Variants in ACAT1 observed in about 807,000 individuals in gnomAD.
ACAT1 encodes acetyl-CoA acetyltransferase, mitochondrial.
In ACAT1, 28 loss-of-function variants were observed where a neutral mutation model predicts 47.3. The ratio of observed to expected loss-of-function variants is 0.59; its 90% confidence interval spans 0.44 to 0.81. The LOEUF (loss-of-function observed/expected upper bound fraction) is 0.81, where lower values mean the gene tolerates loss of function less well. Among genes scored for constraint, ACAT1 ranks in the 30% least tolerant of loss-of-function variants. The pLI, the probability that ACAT1 is intolerant of heterozygous loss-of-function variation, is 0.00. For synonymous variants in ACAT1, 181 were observed against 173.6 expected, an observed-to-expected ratio of 1.04 and a Z score of -0.34; for missense variants, 469 against 524.3, an observed-to-expected ratio of 0.89 and a Z score of 1.03.
At chr11:108,143,935 T>TAAAA in intron 9 of ACAT1, 48 bp from the exon 10 acceptor site, 1 of 789,114 alleles carries the variant, frequency 1.3e-6, no homozygotes, top group Non-Finnish European at 2.0e-6. Context: ...TTCTATACAG[T>TAAAA]AAAAAAAAAA....
intron 5 of ACAT1, chr11:108,136,144 T>C (rs2135345165): frequency 1.5e-6 from 1 of 653,232 alleles, no homozygotes; most frequent in Non-Finnish European, 2.7e-6. Context: ...CACAGAAGAA[T>C]CAAGATTCTC....
chr11:108,146,189 T>A lies in ACAT1; in HGVS notation c.1006-13T>A. 6.3e-7 allele frequency: 1 copy of A among 1,595,108 alleles called. No individual in the cohort carries two copies. The highest frequency in any genetic ancestry group is 8.6e-7 in the Non-Finnish European group (1 of 1,163,676). On this transcript the variant is annotated splice_polypyrimidine_tract_variant and intron_variant, in intron 10 of 11. Transcript: ENST00000265838. Reference sequence around the variant, plus strand: ...AATTATTTGAACATCATCTGTCTTTTAAAAAATTTAAGGTTCTTAAAGATG... The same window carrying A: ...AATTATTTGAACATCATCTGTCTTTAAAAAAATTTAAGGTTCTTAAAGATG...
intron 2 of ACAT1, 126 bp downstream of exon 2, chr11:108,132,080 T>C: frequency 1.8e-6 from 1 of 571,106 alleles, no homozygotes; most frequent in South Asian, 2.2e-5. Flanking sequence ...TAGGAATAGC[T>C]AACTATTCAA....
intron 6 of ACAT1, 38 bp from the exon 7 acceptor site, chr11:108,140,027 T>G (rs1213985394): frequency 6.3e-7 from 1 of 1,591,824 alleles, no homozygotes; most frequent in South Asian, 1.1e-5. Flanking sequence ...TTCTAAATTA[T>G]GCAAAGTTAA....
At chr11:108,139,994 G>T in intron 6 of ACAT1, 71 bp from the exon 7 acceptor site, 1 of 1,519,940 alleles carries the variant, frequency 6.6e-7, no homozygotes, top group Non-Finnish European at 9.0e-7. Flanking sequence ...AACACTATAA[G>T]TTAGGCAAAG....
At chr11:108,132,398 A>G (rs1363460464) in intron 2 of ACAT1, among the ~76,000 whole-genome samples, 1 of 152,248 alleles carries the variant, frequency 6.6e-6, no homozygotes, top group Non-Finnish European at 1.5e-5. Flanking sequence ...AAGATCTTCT[A>G]TCAAAATCTA....
chr11:108,147,314 A>G lies in ACAT1; in HGVS notation c.1208A>G (p.Lys403Arg), dbSNP rs1196894480. Residue 403 changes from lysine (K) to arginine (R), a missense_variant, in exon 12 of 12, where the codon AAG (lysine) becomes AGG (arginine). Lys to Arg is a conservative substitution (Grantham distance 26). Transcript: ENST00000265838. ...RIVGHLTHAL[K>R]QGEYGLASIC... is the part of the protein sequence containing the mutation. ...GTTGGTCATTTGACTCATGCCTTGA[A>G]GCAAGGAGAATACGGTCTTGCCAGT... 3.1e-6 allele frequency: 5 copies of G among 1,613,862 alleles called. No homozygotes were observed. Among genetic ancestry groups the G allele is most frequent in the Non-Finnish European group, 4.2e-6 (5 of 1,179,936 alleles).
chr11:108,135,529 T>TG (rs939507989), intron 5 of ACAT1, among the ~76,000 whole-genome samples: 1 of 149,630 alleles, frequency 6.7e-6, no homozygotes, highest in African/African-American at 2.5e-5. Context: ...CTCTGCTCTT[T>TG]GAAAAAAAAA....
At chr11:108,121,313 C>A (rs551761017), upstream of ACAT1, 3 of 544,882 alleles carry the variant, frequency 5.5e-6, no homozygotes, top group African/African-American at 1.9e-5. Context: ...CCACCGGCCC[C>A]GGCAGGTTAG....
At chr11:108,124,401 T>C (rs2077210380) in intron 1 of ACAT1, among the ~76,000 whole-genome samples, 1 of 152,086 alleles carries the variant, frequency 6.6e-6, no homozygotes, top group Non-Finnish European at 1.5e-5. Context: ...GTAGCTGGGA[T>C]TACAGGCATG....
intron 1 of ACAT1, among the ~76,000 whole-genome samples, chr11:108,123,620 C>G (rs2077190647): frequency 6.6e-6 from 1 of 152,222 alleles, no homozygotes; most frequent in Non-Finnish European, 1.5e-5. Context: ...CCTTAACTCT[C>G]TGCAGTTAAA....
chr11:108,124,508 A>C (rs1233956361), intron 1 of ACAT1, among the ~76,000 whole-genome samples: 1 of 152,030 alleles, frequency 6.6e-6, no homozygotes, highest in Non-Finnish European at 1.5e-5. Flanking sequence ...TCACCAGGTG[A>C]TCCACCTCTG....
At chr11:108,121,995 G>T in intron 1 of ACAT1, 1 of 478,994 alleles carries the variant, frequency 2.1e-6, no homozygotes, top group Non-Finnish European at 3.8e-6. Flanking sequence ...CGGCCTGAGC[G>T]GTGGGATCGG....
chr11:108,146,157 G>A (rs1454408257), intron 10 of ACAT1, 45 bp from the exon 11 acceptor site: 3 of 1,467,784 alleles, frequency 2.0e-6, no homozygotes, highest in Middle Eastern at 2.3e-4. Flanking sequence ...AGTAAGTTGT[G>A]ATTGCTAATT....
intron 7 of ACAT1, among the ~76,000 whole-genome samples, chr11:108,140,858 T>G (rs1288012619): frequency 6.6e-6 from 1 of 152,066 alleles, no homozygotes; most frequent in African/African-American, 2.4e-5. Context: ...CAGCTGCCTC[T>G]GGGGTCAGGA....
At position 108,142,570 on chromosome 11, in the gene ACAT1, C is replaced by G. The variant is rs771238801; in HGVS notation, c.940+20C>G. 1.9e-6 allele frequency: 3 copies of G among 1,586,214 alleles called. No individual in the cohort carries two copies. The highest frequency in any genetic ancestry group is 2.6e-6 in the Non-Finnish European group (3 of 1,154,894). On this transcript the variant is annotated intron_variant, in intron 9 of 11. Coordinates refer to ENST00000265838, the MANE Select transcript of ACAT1 (RefSeq NM_000019.4). ...TAGTAGGTAAGGCCAGGCGAGGTGG[C>G]TCACACCTGTAATCCCAGCACTTTC...
chr11:108,131,284 CTAAA>C (rs2077351851), intron 1 of ACAT1, among the ~76,000 whole-genome samples: 1 of 146,180 alleles, frequency 6.8e-6, no homozygotes, highest in African/African-American at 2.5e-5. Flanking sequence ...GATTCTAAGA[CTAAA>C]TAATTTAGAA....
intron 6 of ACAT1, 190 bp from the exon 7 acceptor site, chr11:108,139,875 T>C: frequency 1.8e-6 from 1 of 569,394 alleles, no homozygotes; most frequent in Non-Finnish European, 3.0e-6. Context: ...ATGGTCTTGA[T>C]CTCCTGACCT....
At chr11:108,120,541 TA>T (rs35081401), upstream of ACAT1, among the ~76,000 whole-genome samples, 82,683 of 148,902 alleles carry the variant, frequency 0.56, 23,775 homozygotes, top group East Asian at 0.88. Context: ...GACCCTATCT[TA>T]AAAAAAAAAA....
Sources: gnomAD v4.1 joint callset for allele counts (sites outside exome capture counted in the v4.1 genomes callset) on GRCh38, gnomAD v4.1.1 for gene constraint, MANE v1.5 for transcripts, NCBI Gene and HGNC (gene_info 2026-07-23, HGNC 2026-07-21) for gene names.